DDX60: variants seen among roughly 807,000 people sequenced by gnomAD.
The protein encoded by DDX60 is probable ATP-dependent RNA helicase DDX60.
A neutral mutation model predicts 212.8 loss-of-function variants in DDX60; 165 were observed. The ratio of observed to expected loss-of-function variants is 0.78; its 90% CI spans 0.68 to 0.88. The LOEUF (loss-of-function observed/expected upper bound fraction) is 0.88. DDX60 is among the 40% of genes least tolerant of loss of function. The probability of loss-of-function intolerance (pLI) is 0.00; values close to 1 mark genes in which losing one functional copy is unlikely to be tolerated. For synonymous variants in DDX60, 703 were observed against 685.3 expected, an observed-to-expected ratio of 1.03 and a Z score of -0.40; for missense variants, 1,905 against 2,003.9, an observed-to-expected ratio of 0.95 and a Z score of 0.94.
rs1438378214 is a variant in DDX60 at position 168,252,594 on chromosome 4, T to C, written c.3620A>G (p.His1207Arg). The C allele has an allele frequency of 1.2e-6, 2 of 1,613,874 alleles. No individual in the cohort carries two copies. Among genetic ancestry groups the C allele is most frequent in the East Asian group, 4.5e-5 (2 of 44,848 alleles). Residue 1207 changes from histidine to arginine, a missense_variant, in exon 27 of 38, where the codon CAT becomes CGT. Coordinates refer to ENST00000393743, the MANE Select transcript of DDX60 (RefSeq NM_017631.6). ...VDQSLIHEAE[H>R]DNLVKCLEKN... ...CTCTAGACACTTCACTAGATTATCA[T>C]GTTCAGCTTCATGTATTAGGCTTTG...
At chr4:168,321,410 C>T (rs1737608733), upstream of DDX60, among the ~76,000 whole-genome samples, 1 of 152,098 alleles carries the variant, frequency 6.6e-6, no homozygotes, top group Non-Finnish European at 1.5e-5. Context: ...CTGATTAATT[C>T]AAGTTTTCTT....
chr4:168,222,579 G>T (rs935597340), intron 35 of DDX60, among the ~76,000 whole-genome samples: 2 of 152,006 alleles, frequency 1.3e-5, no homozygotes, highest in Non-Finnish European at 2.9e-5. Context: ...ATAAACTGCA[G>T]CAATATCTAA....
chr4:168,232,846 A>G (rs1268776609), intron 33 of DDX60, among the ~76,000 whole-genome samples: 1 of 152,096 alleles, frequency 6.6e-6, no homozygotes. Flanking sequence ...CAACAAAAAC[A>G]AAGATAAATA....
At chr4:168,220,513 C>T (rs1578961802) in intron 37 of DDX60, 142 bp downstream of exon 37, 1 of 542,898 alleles carries the variant, frequency 1.8e-6, no homozygotes, top group South Asian at 2.2e-5. Flanking sequence ...TTCTGCAGAG[C>T]CTTTGGGGAG....
At chr4:168,310,932 G>A (rs1299322367) in intron 3 of DDX60, 66 bp downstream of exon 3, 30 of 948,106 alleles carry the variant, frequency 3.2e-5, no homozygotes, top group Non-Finnish European at 4.8e-5. Context: ...ATCAGCATAA[G>A]GCCAAATAGA....
intron 8 of DDX60, among the ~76,000 whole-genome samples, chr4:168,291,357 T>A (rs535707814): frequency 3.9e-4 from 59 of 152,328 alleles, no homozygotes; most frequent in Admixed American, 9.1e-4. Context: ...TGCTTCTATT[T>A]CTCTAAAGTA....
chr4:168,275,305 TAAGAA>T, intron 16 of DDX60, 35 bp downstream of exon 16: 1 of 1,546,722 alleles, frequency 6.5e-7, no homozygotes, highest in Non-Finnish European at 8.8e-7. Flanking sequence ...TCACATATAA[TAAGAA>T]AATACAGTAA....
chr4:168,244,455 A>G (rs1204112712), intron 30 of DDX60, among the ~76,000 whole-genome samples: 1 of 152,126 alleles, frequency 6.6e-6, no homozygotes, highest in Non-Finnish European at 1.5e-5. Context: ...GGCCAGGTGC[A>G]GTGGCTCACG....
At chr4:168,275,567 A>G in intron 15 of DDX60, 64 bp from the exon 16 acceptor site, 1 of 1,385,318 alleles carries the variant, frequency 7.2e-7, no homozygotes, top group Non-Finnish European at 9.8e-7. Context: ...TAAATAAGTA[A>G]AACATTTATT....
At chr4:168,314,015 T>C (rs923988333) in intron 1 of DDX60, among the ~76,000 whole-genome samples, 3 of 152,202 alleles carry the variant, frequency 2.0e-5, no homozygotes, top group Non-Finnish European at 4.4e-5. Flanking sequence ...AGGGATTCCG[T>C]AGCCTGCCTA....
intron 12 of DDX60, 92 bp downstream of exon 12, chr4:168,284,723 AAATTT>A (rs1377079126): frequency 5.1e-6 from 3 of 583,004 alleles, no homozygotes; most frequent in Admixed American, 7.0e-5. Context: ...TCATTCAAAA[AAATTT>A]AATTTGTGTC....
rs761463350 is a variant in DDX60 at position 168,306,698 on chromosome 4, T to C, written c.287A>G (p.Asn96Ser). 5.0e-6 allele frequency: 8 copies of C among 1,612,870 alleles called. No homozygotes were observed. Among genetic ancestry groups the C allele is most frequent in the Non-Finnish European group, 6.8e-6 (8 of 1,179,152 alleles). ...FFKDAEYAYF[N>S]FPELLSLRTA... is the part of the protein sequence containing the mutation. Reference sequence around the variant, plus strand: ...TCTCAAAGAAAGAAGTTCAGGGAAGTTGAAATACGCATACTCGGCATCCTG... The same window carrying C: ...TCTCAAAGAAAGAAGTTCAGGGAAGCTGAAATACGCATACTCGGCATCCTG... The change falls in exon 5 of 38, where the codon AAC becomes AGC. Residue 96 changes from asparagine (N) to serine (S), a missense_variant. Coordinates refer to ENST00000393743, the MANE Select transcript of DDX60 (RefSeq NM_017631.6).
intron 10 of DDX60, among the ~76,000 whole-genome samples, 154 bp downstream of exon 10, chr4:168,286,894 C>T (rs1342636172): frequency 6.6e-6 from 1 of 152,116 alleles, no homozygotes; most frequent in Non-Finnish European, 1.5e-5. Flanking sequence ...CAGCATACCA[C>T]TCCAAGGATA....
intron 5 of DDX60, among the ~76,000 whole-genome samples, chr4:168,305,759 A>C (rs534472880): frequency 6.6e-6 from 1 of 151,956 alleles, no homozygotes; most frequent in African/African-American, 2.4e-5. Flanking sequence ...TAATAACATC[A>C]TGGAATTCGA....
chr4:168,287,991 A>G (rs1253297085), intron 9 of DDX60, among the ~76,000 whole-genome samples, 183 bp downstream of exon 9: 1 of 152,192 alleles, frequency 6.6e-6, no homozygotes. Flanking sequence ...TAAGTGAAAA[A>G]CATATTTTAA....
chr4:168,281,790 A>G (rs981635060), intron 13 of DDX60, among the ~76,000 whole-genome samples: 1 of 152,106 alleles, frequency 6.6e-6, no homozygotes, highest in Non-Finnish European at 1.5e-5. Flanking sequence ...AGTTGTCATC[A>G]CTCTCTAAAT....
upstream of DDX60, among the ~76,000 whole-genome samples, chr4:168,321,904 G>A (rs1186712326): frequency 6.6e-6 from 1 of 152,024 alleles, no homozygotes; most frequent in Non-Finnish European, 1.5e-5. Flanking sequence ...AATTGAATAG[G>A]TTCAATAGGT....
intron 16 of DDX60, among the ~76,000 whole-genome samples, 183 bp from the exon 17 acceptor site, chr4:168,274,266 G>T (rs1021266102): frequency 1.3e-5 from 2 of 152,056 alleles, no homozygotes; most frequent in Admixed American, 1.3e-4. Flanking sequence ...CTGTAAGGTG[G>T]GTTTTATGTG....
rs945604569 is a variant in DDX60 at position 168,272,087 on chromosome 4, G to A, written c.2626C>T (p.Arg876Cys). 5.7e-6 allele frequency: 9 copies of A among 1,587,836 alleles called. No individual in the cohort carries two copies. The highest frequency in any genetic ancestry group is 2.7e-5 in the African/African-American group (2 of 74,370). ...CFEILLLAPHRQNWVKKIRYV... is the reference protein window; with the variant it reads ...CFEILLLAPHCQNWVKKIRYV... The stretch of plus-strand genomic sequence containing the variant: ...CTGATCTTTTTCACCCAGTTTTGGC[G>A]ATGAGGAGCAAGCAGCAGAATTTCA... Residue 876 changes from arginine (R) to cysteine (C), a missense_variant, in exon 19 of 38, where the codon CGC (arginine) becomes TGC (cysteine). Coordinates refer to ENST00000393743, the MANE Select transcript of DDX60 (RefSeq NM_017631.6).
Sources: allele counts gnomAD v4.1 joint callset (sites outside exome capture counted in the v4.1 genomes callset), GRCh38; gene constraint gnomAD v4.1.1; transcripts MANE v1.5; gene names NCBI Gene and HGNC (gene_info 2026-07-23, HGNC 2026-07-21).